SEZ6L: variants seen among roughly 807,000 people sequenced by gnomAD.
SEZ6L encodes the protein seizure related 6 homolog like.
SEZ6L carries 37 observed loss-of-function variants against 106.2 expected under a neutral mutation model. The ratio of observed to expected loss-of-function variants is 0.35; its 90% CI spans 0.27 to 0.46. SEZ6L has a LOEUF of 0.46. SEZ6L is among the 20% of genes least tolerant of loss of function. The pLI is 1.00. For synonymous variants in SEZ6L, 541 were observed against 570.4 expected (o/e 0.95, Z 0.73); for missense variants, 1,172 against 1,332.8 (o/e 0.88, Z 1.88).
At chr22:26,358,011 G>A (rs2083493527) in intron 12 of SEZ6L, among the ~76,000 whole-genome samples, 3 of 152,164 alleles carry the variant, frequency 2.0e-5, no homozygotes, top group Admixed American at 2.0e-4. Flanking sequence ...CCTGGGATAC[G>A]AGACACAGGG....
chr22:26,247,884 C>T (rs1263036374), intron 1 of SEZ6L, among the ~76,000 whole-genome samples: 1 of 152,170 alleles, frequency 6.6e-6, no homozygotes, highest in Non-Finnish European at 1.5e-5. Context: ...AGCACTTAAA[C>T]GGTCTCCAGA....
intron 12 of SEZ6L, among the ~76,000 whole-genome samples, chr22:26,360,093 C>A (rs1328736447): frequency 6.6e-6 from 1 of 152,228 alleles, no homozygotes; most frequent in Non-Finnish European, 1.5e-5. Context: ...CATGCCAGGA[C>A]ACCAAACCAG....
intron 1 of SEZ6L, among the ~76,000 whole-genome samples, chr22:26,170,876 C>T (rs1601942239): frequency 6.6e-6 from 1 of 152,252 alleles, no homozygotes; most frequent in East Asian, 1.9e-4. Flanking sequence ...TTATCTGGGG[C>T]TCCGCCTCTG....
At chr22:26,199,354 G>A (rs376048837) in intron 1 of SEZ6L, among the ~76,000 whole-genome samples, 1 of 152,074 alleles carries the variant, frequency 6.6e-6, no homozygotes, top group African/African-American at 2.4e-5. Context: ...TCTTTAGTCT[G>A]TTTTTTTCAG....
At chr22:26,232,401 G>GC (rs1368204495) in intron 1 of SEZ6L, among the ~76,000 whole-genome samples, 4 of 138,012 alleles carry the variant, frequency 2.9e-5, no homozygotes, top group African/African-American at 1.1e-4. Flanking sequence ...CACACTAAGA[G>GC]CCCAAACTCT....
At chr22:26,378,260 C>T (rs1021752614) in intron 16 of SEZ6L, among the ~76,000 whole-genome samples, 15 of 152,164 alleles carry the variant, frequency 9.9e-5, no homozygotes, top group Non-Finnish European at 1.9e-4. Context: ...ATAATACATG[C>T]CATCTGCTGG....
At chr22:26,360,306 T>G (rs2083571832) in intron 12 of SEZ6L, among the ~76,000 whole-genome samples, 1 of 152,176 alleles carries the variant, frequency 6.6e-6, no homozygotes, top group East Asian at 1.9e-4. Context: ...CGATTTATCC[T>G]TTATGCACCT....
In SEZ6L at chr22:26,202,559, A is replaced by C. The variant is rs967446535; in HGVS notation, c.94+32796A>C. On this transcript the variant is annotated intron_variant, in intron 1 of 16. Transcript: ENST00000248933. ...CTCCCTTGAGGACACTGTCAGGCAC[A>C]GAATCCTAAGCTAGAGCGACAGGAA... Among the ~76,000 whole-genome samples the C allele has an allele frequency of 7.9e-5, 12 of 152,390 alleles. 1 individual carries two copies. The highest frequency in any genetic ancestry group is 5.9e-4 in the Admixed American group (9 of 15,310).
intron 9 of SEZ6L, among the ~76,000 whole-genome samples, chr22:26,318,037 A>G (rs1056511738): frequency 6.7e-6 from 1 of 149,996 alleles, no homozygotes; most frequent in Non-Finnish European, 1.5e-5. Context: ...CCTATCTAAA[A>G]TCATTTAAAT....
intron 1 of SEZ6L, among the ~76,000 whole-genome samples, chr22:26,171,515 A>G (rs1315249803): frequency 6.6e-6 from 1 of 152,208 alleles, no homozygotes; most frequent in African/African-American, 2.4e-5. Flanking sequence ...AGGGAAAAAA[A>G]AATTGTCTTA....
intron 12 of SEZ6L, among the ~76,000 whole-genome samples, chr22:26,354,944 C>T (rs977110572): frequency 1.3e-5 from 2 of 152,212 alleles, no homozygotes; most frequent in Non-Finnish European, 2.9e-5. Context: ...GTGGCAGCGA[C>T]GTGACAAGCG....
At chr22:26,273,565 C>T (rs1328926596) in intron 1 of SEZ6L, among the ~76,000 whole-genome samples, 2 of 152,248 alleles carry the variant, frequency 1.3e-5, no homozygotes, top group African/African-American at 4.8e-5. Flanking sequence ...AGGAGGCAGA[C>T]ATCAAGCCCC....
chr22:26,194,214 C>T (rs1325694044), intron 1 of SEZ6L, among the ~76,000 whole-genome samples: 3 of 152,206 alleles, frequency 2.0e-5, no homozygotes, highest in Non-Finnish European at 2.9e-5. Flanking sequence ...CCCATAATTC[C>T]TATGTCACAG....
intron 15 of SEZ6L, among the ~76,000 whole-genome samples, chr22:26,376,826 G>A (rs2084243116): frequency 6.6e-6 from 1 of 152,174 alleles, no homozygotes; most frequent in African/African-American, 2.4e-5. Context: ...AAGGTCCTGA[G>A]GCAGGAACGT....
chr22:26,226,031 A>G (rs1295874912), intron 1 of SEZ6L, among the ~76,000 whole-genome samples: 3 of 152,184 alleles, frequency 2.0e-5, no homozygotes, highest in Non-Finnish European at 4.4e-5. Flanking sequence ...TGCCTCATAA[A>G]TATTTCTCAA....
intron 1 of SEZ6L, among the ~76,000 whole-genome samples, chr22:26,240,931 C>CAT (rs2079106987): frequency 6.6e-6 from 1 of 152,178 alleles, no homozygotes; most frequent in South Asian, 2.1e-4. Context: ...ATTTGACCTT[C>CAT]ATATCCACCA....
chr22:26,265,969 A>C (rs1304828294), intron 1 of SEZ6L, among the ~76,000 whole-genome samples: 1 of 152,188 alleles, frequency 6.6e-6, no homozygotes, highest in Non-Finnish European at 1.5e-5. Context: ...TCCTGAAAAC[A>C]AGTCATTATA....
intron 1 of SEZ6L, among the ~76,000 whole-genome samples, chr22:26,200,674 C>T (rs559499540): frequency 2.0e-5 from 3 of 152,330 alleles, no homozygotes; most frequent in Non-Finnish European, 4.4e-5. Context: ...TCCCAGTGTG[C>T]CATCAGCCTT....
intron 1 of SEZ6L, among the ~76,000 whole-genome samples, chr22:26,179,179 A>G (rs1161470486): frequency 6.6e-6 from 1 of 152,206 alleles, no homozygotes; most frequent in Non-Finnish European, 1.5e-5. Context: ...ACTTGAGGCC[A>G]GGAGCTCTAG....
Sources: gnomAD v4.1 joint callset for allele counts (sites outside exome capture counted in the v4.1 genomes callset) on GRCh38, gnomAD v4.1.1 for gene constraint, MANE v1.5 for transcripts, NCBI Gene and HGNC (gene_info 2026-07-23, HGNC 2026-07-21) for gene names.